Variants in MLLT10 observed in about 807,000 individuals in gnomAD.
MLLT10 encodes MLLT10 histone lysine methyltransferase DOT1L cofactor, also known as protein AF-10.
In MLLT10, 30 loss-of-function variants were observed where a neutral mutation model predicts 129.1. That is an observed-to-expected ratio of 0.23 (90% confidence interval 0.17 to 0.32). The LOEUF (loss-of-function observed/expected upper bound fraction) is 0.32, where lower values mean the gene tolerates loss of function less well. Ranked by LOEUF, MLLT10 falls within the 10% of genes least tolerant of loss-of-function variation. The probability of loss-of-function intolerance (pLI) is 1.00; values close to 1 mark genes in which losing one functional copy is unlikely to be tolerated. For synonymous variants in MLLT10, 490 were observed against 446.4 expected, an observed-to-expected ratio of 1.10 and a Z score of -1.23; for missense variants, 1,119 against 1,268.3, an observed-to-expected ratio of 0.88 and a Z score of 1.79.
At chr10:21,714,793 A>G (rs1041662621) in intron 14 of MLLT10, among the ~76,000 whole-genome samples, 2 of 152,146 alleles carry the variant, frequency 1.3e-5, no homozygotes, top group African/African-American at 2.4e-5. Context: ...TGGCCTCCCA[A>G]AGTGTTAGGA....
intron 3 of MLLT10, among the ~76,000 whole-genome samples, chr10:21,563,550 T>C (rs1233022420): frequency 1.3e-5 from 2 of 151,962 alleles, no homozygotes; most frequent in African/African-American, 4.8e-5. Flanking sequence ...CATGTAACTT[T>C]CTGGGATTGA....
intron 9 of MLLT10, among the ~76,000 whole-genome samples, chr10:21,659,505 T>A (rs2049953056): frequency 6.6e-6 from 1 of 151,428 alleles, no homozygotes; most frequent in South Asian, 2.1e-4. Context: ...CTCTTCTTAC[T>A]CTTAATCTTT....
At chr10:21,609,881 TCA>T (rs773071011) in intron 5 of MLLT10, among the ~76,000 whole-genome samples, 21 of 151,366 alleles carry the variant, frequency 1.4e-4, no homozygotes, top group Non-Finnish European at 1.9e-4. Flanking sequence ...GTTTTCTCTC[TCA>T]CACACACACA....
chr10:21,551,962 T>C, intron 3 of MLLT10: 1 of 249,786 alleles, frequency 4.0e-6, no homozygotes, highest in Non-Finnish European at 8.0e-6. Context: ...GCCTGGGCAA[T>C]TTTTGTATTT....
chr10:21,733,094 G>A lies in MLLT10; in HGVS notation c.2407+7G>A. On this transcript the variant is annotated splice_region_variant and intron_variant, in intron 18 of 22. Coordinates refer to ENST00000307729, the MANE Select transcript of MLLT10 (RefSeq NM_001195626.3). ...ACATTTTCAGCACAGACTGGTAAGT[G>A]TGAAAATATTTATTTTGTATCTAAG... is the stretch of plus-strand genomic sequence containing the variant. 1 of 1,583,108 alleles carries A rather than the reference G, an allele frequency of 6.3e-7. No homozygotes were observed. Among genetic ancestry groups the A allele is most frequent in the Non-Finnish European group, 8.6e-7 (1 of 1,165,402 alleles).
intron 5 of MLLT10, among the ~76,000 whole-genome samples, chr10:21,608,890 A>G (rs2044322027): frequency 6.6e-6 from 1 of 151,974 alleles, no homozygotes; most frequent in Admixed American, 6.6e-5. Context: ...AGTTTTTCTT[A>G]CTGCTCCTTT....
chr10:21,684,380 G>A (rs2053066949), intron 13 of MLLT10, among the ~76,000 whole-genome samples: 1 of 152,044 alleles, frequency 6.6e-6, no homozygotes, highest in Non-Finnish European at 1.5e-5. Context: ...CTCCTGAGTT[G>A]CAGACTTATA....
chr10:21,550,317 T>C (rs2130944549), intron 3 of MLLT10, among the ~76,000 whole-genome samples: 1 of 152,298 alleles, frequency 6.6e-6, no homozygotes, highest in South Asian at 2.1e-4. Context: ...CTGTGCAGCT[T>C]CCCTAGTCTT....
chr10:21,622,153 C>CTTT lies in MLLT10; in HGVS notation c.699+4966_699+4968dup, dbSNP rs71393915. 1.4e-3 allele frequency among the ~76,000 whole-genome samples: 135 copies of CTTT among 99,798 alleles called. 1 individual carries two copies. The East Asian group carries it at 0.019, about 14-fold the overall frequency. The allele number at this position is 99,798 out of a possible 152,430, so 65.5% of individuals were successfully genotyped here. On this transcript the variant is annotated intron_variant, in intron 8 of 22. Coordinates refer to ENST00000307729, the MANE Select transcript of MLLT10 (RefSeq NM_001195626.3). ...TTTTTTCTTGTTTCTTTTGTTTTTC[C>CTTT]TTTTTTTTTTTTTTTTTTTTTTGAG...
intron 5 of MLLT10, among the ~76,000 whole-genome samples, chr10:21,604,126 A>C (rs577996919): frequency 6.6e-6 from 1 of 152,278 alleles, no homozygotes; most frequent in African/African-American, 2.4e-5. Context: ...TTCCACATAC[A>C]AAATAGGTGT....
chr10:21,735,497 G>C (rs1038810007), intron 21 of MLLT10, among the ~76,000 whole-genome samples: 1 of 152,154 alleles, frequency 6.6e-6, no homozygotes, highest in Non-Finnish European at 1.5e-5. Context: ...TTTTCCCGGA[G>C]CTTCATTTTG....
intron 3 of MLLT10, chr10:21,557,003 T>A: frequency 6.8e-7 from 1 of 1,479,214 alleles, no homozygotes; most frequent in Non-Finnish European, 8.9e-7. Flanking sequence ...CTTACAGGGT[T>A]TTGTTTTACC....
At chr10:21,724,353 T>C (rs1310432800) in intron 14 of MLLT10, among the ~76,000 whole-genome samples, 1 of 152,266 alleles carries the variant, frequency 6.6e-6, no homozygotes, top group Non-Finnish European at 1.5e-5. Context: ...TGCAATGTCA[T>C]GATGTGAGTC....
chr10:21,559,374 G>T (rs1382491061), intron 3 of MLLT10, among the ~76,000 whole-genome samples: 1 of 152,146 alleles, frequency 6.6e-6, no homozygotes, highest in Admixed American at 6.5e-5. Context: ...CACTGCGCTT[G>T]GCAAGAATGG....
At chr10:21,540,639 C>T (rs1287296856) in intron 3 of MLLT10, among the ~76,000 whole-genome samples, 2 of 152,156 alleles carry the variant, frequency 1.3e-5, no homozygotes, top group African/African-American at 4.8e-5. Flanking sequence ...ATTTTATTTT[C>T]ATTAGTTATG....
chr10:21,682,397 G>A (rs544599128), intron 13 of MLLT10, 140 bp downstream of exon 13: 17 of 658,060 alleles, frequency 2.6e-5, no homozygotes, highest in Admixed American at 3.9e-5. Context: ...CAGCACCTTA[G>A]TGAAAAATTT....
At chr10:21,547,699 C>T (rs976847699) in intron 3 of MLLT10, among the ~76,000 whole-genome samples, 3 of 151,464 alleles carry the variant, frequency 2.0e-5, no homozygotes, top group African/African-American at 4.9e-5. Context: ...CCACCTTGTC[C>T]GGCTAATTTT....
intron 10 of MLLT10, 37 bp from the exon 11 acceptor site, chr10:21,673,313 C>CA: frequency 1.4e-6 from 1 of 694,380 alleles, no homozygotes; most frequent in Non-Finnish European, 2.0e-6. Context: ...CCCCCCACCC[C>CA]CCAACTTTTT....
intron 7 of MLLT10, among the ~76,000 whole-genome samples, chr10:21,616,736 A>G (rs556756322): frequency 1.3e-5 from 2 of 152,034 alleles, no homozygotes; most frequent in Admixed American, 6.6e-5. Context: ...ATAAAGTAAC[A>G]CTTCAAATAT....
Sources: allele counts gnomAD v4.1 joint callset (sites outside exome capture counted in the v4.1 genomes callset), GRCh38; gene constraint gnomAD v4.1.1; transcripts MANE v1.5; gene names NCBI Gene and HGNC (gene_info 2026-07-23, HGNC 2026-07-21).